KIFAP3: variants seen among roughly 807,000 people sequenced by gnomAD.
KIFAP3 encodes the protein kinesin associated protein 3, also known as kinesin-associated protein 3.
In KIFAP3, 68 loss-of-function variants were observed where a neutral mutation model predicts 106.5. The ratio of observed to expected loss-of-function variants is 0.64; its 90% confidence interval spans 0.53 to 0.78. KIFAP3 has a LOEUF of 0.78. KIFAP3 is among the 30% of genes least tolerant of loss of function. KIFAP3 has a pLI of 0.00. For missense variants in KIFAP3, 780 were observed against 941.8 expected (o/e 0.83, Z 2.25); for synonymous variants, 320 against 311.5 (o/e 1.03, Z -0.29).
At chr1:169,977,377 CTG>C (rs1421791059) in intron 16 of KIFAP3, among the ~76,000 whole-genome samples, 1 of 152,144 alleles carries the variant, frequency 6.6e-6, no homozygotes, top group Non-Finnish European at 1.5e-5. Flanking sequence ...CTAAGTACCT[CTG>C]TGTATTGGGA....
rs141698568 is a variant in KIFAP3 at position 170,027,588 on chromosome 1, A to C, written c.842-2992T>G. ...CTAGATGAAATTAACAGCAGTTTAG[A>C]GATAGAAGAAAAAAAGATTAGTGAA... On this transcript the variant is annotated intron_variant, in intron 8 of 19. Transcript: ENST00000361580. Among the ~76,000 whole-genome samples the C allele has an allele frequency of 5.6e-3, 856 of 152,310 alleles. 4 individuals carry two copies. The highest frequency in any genetic ancestry group is 0.02 in the Middle Eastern group (6 of 294).
intron 19 of KIFAP3, among the ~76,000 whole-genome samples, chr1:169,932,847 G>GA (rs889136958): frequency 6.6e-6 from 1 of 151,822 alleles, no homozygotes; most frequent in Non-Finnish European, 1.5e-5. Flanking sequence ...AAAAAATCCT[G>GA]AAAATCTTAT....
intron 17 of KIFAP3, among the ~76,000 whole-genome samples, chr1:169,968,071 T>C (rs1665721677): frequency 6.6e-6 from 1 of 151,926 alleles, no homozygotes; most frequent in Non-Finnish European, 1.5e-5. Context: ...CCTGGTGTCT[T>C]GGCTTTGAGA....
intron 18 of KIFAP3, among the ~76,000 whole-genome samples, chr1:169,957,531 T>C (rs1178484548): frequency 3.9e-5 from 6 of 152,194 alleles, no homozygotes; most frequent in Admixed American, 1.3e-4. Context: ...AACTGGCTTA[T>C]AAACATTGTG....
At chr1:169,953,681 A>AT (rs1664850279) in intron 19 of KIFAP3, among the ~76,000 whole-genome samples, 1 of 151,942 alleles carries the variant, frequency 6.6e-6, no homozygotes, top group South Asian at 2.1e-4. Flanking sequence ...CACCCGGCTA[A>AT]TTTTTTGTAC....
At chr1:169,930,298 T>C (rs1325737740) in intron 19 of KIFAP3, among the ~76,000 whole-genome samples, 1 of 152,242 alleles carries the variant, frequency 6.6e-6, no homozygotes, top group Non-Finnish European at 1.5e-5. Context: ...TGTACTGTCA[T>C]GTACTTTACA....
At chr1:170,037,668 C>T (rs897101520) in intron 5 of KIFAP3, among the ~76,000 whole-genome samples, 3 of 151,776 alleles carry the variant, frequency 2.0e-5, no homozygotes, top group Admixed American at 6.6e-5. Flanking sequence ...ACCCGGGAGG[C>T]GGAGGTTGCA....
chr1:170,055,425 C>T lies in KIFAP3; in HGVS notation c.44G>A (p.Gly15Glu). 5 of 1,586,132 alleles carry T rather than the reference C, an allele frequency of 3.2e-6. No homozygotes were observed. Among genetic ancestry groups the T allele is most frequent in the Non-Finnish European group, 2.6e-6 (3 of 1,167,934 alleles). The part of the protein sequence containing the change: ...DARYLKRKVK[G>E]GNIDVHPSEK... Reference sequence around the variant, plus strand: ...TGATGGATGTACATCTATATTCCCTCCTTTAACTTTCCTATAATACAAAAT... The same window carrying T: ...TGATGGATGTACATCTATATTCCCTTCTTTAACTTTCCTATAATACAAAAT... The change falls in exon 2 of 20, where the codon GGA becomes GAA. Residue 15 changes from glycine (G) to glutamate (E), a missense_variant. Physicochemically the swap from Gly to Glu is moderately conservative, Grantham distance 98. Around this residue, in one of 3 missense-constraint regions of KIFAP3, gnomAD observed 588 missense variants for 678.9 expected, o/e 0.87. Coordinates refer to ENST00000361580, the MANE Select transcript of KIFAP3 (RefSeq NM_014970.4).
chr1:170,014,061 T>C (rs1375454767), intron 10 of KIFAP3, among the ~76,000 whole-genome samples: 2 of 152,180 alleles, frequency 1.3e-5, no homozygotes, highest in Non-Finnish European at 1.5e-5. Context: ...TTTTGCCTCA[T>C]ACTGGACATA....
intron 19 of KIFAP3, chr1:169,923,209 GGTTGAAATTTTTAA>G (rs1260389309): frequency 2.6e-6 from 1 of 378,382 alleles, no homozygotes; most frequent in Non-Finnish European, 3.6e-6. Context: ...TCTCAAAGTT[GGTTGAAATTTTTAA>G]GTCTACATTT....
chr1:170,041,635 G>T, intron 3 of KIFAP3: 1 of 1,482,730 alleles, frequency 6.7e-7, no homozygotes. Flanking sequence ...TTAAGCCAGG[G>T]GCTGTCTCTG....
intron 1 of KIFAP3, among the ~76,000 whole-genome samples, chr1:170,083,974 G>T (rs758974238): frequency 6.6e-6 from 1 of 152,090 alleles, no homozygotes; most frequent in East Asian, 1.9e-4. Context: ...TAGCCACAGC[G>T]GGGTGTTTAA....
intron 7 of KIFAP3, 29 bp from the exon 8 acceptor site, chr1:170,032,013 C>A (rs879601725): frequency 2.3e-6 from 2 of 879,160 alleles, no homozygotes; most frequent in Non-Finnish European, 1.6e-6. Context: ...ATCATCCATA[C>A]TCATTGAAGC....
chr1:170,028,626 G>A (rs542226564), intron 8 of KIFAP3, among the ~76,000 whole-genome samples: 99 of 152,214 alleles, frequency 6.5e-4, no homozygotes, highest in African/African-American at 2.2e-3. Flanking sequence ...TGTGAGCCAC[G>A]ACATCTGGCC....
chr1:169,936,044 C>T (rs1663782211), intron 19 of KIFAP3, among the ~76,000 whole-genome samples: 1 of 151,784 alleles, frequency 6.6e-6, no homozygotes, highest in Admixed American at 6.6e-5. Flanking sequence ...GACATCGCCT[C>T]CATTTTCAAA....
intron 10 of KIFAP3, among the ~76,000 whole-genome samples, chr1:169,993,337 C>T (rs1243920546): frequency 6.6e-6 from 1 of 151,268 alleles, no homozygotes; most frequent in Non-Finnish European, 1.5e-5. Context: ...GTCTCGAACT[C>T]TTGACCTCAT....
At position 169,954,058 on chromosome 1, in the gene KIFAP3, G is replaced by T; in HGVS notation, c.2226C>A (p.Tyr742Ter). ...CAACAACATCTCCATTTTGAAGGTG[G>T]TAATCATTGAAGAAATCGGGACTTA... is the stretch of plus-strand genomic sequence containing the variant. ...GAISPDFFNDYHLQNGDVVGQ... is the reference protein window; with the variant it reads ...GAISPDFFND Residue 742 changes from tyrosine to a stop codon, truncating the protein, a stop_gained, in exon 19 of 20, where the codon TAC (tyrosine) becomes TAA (stop). Transcript: ENST00000361580. LOFTEE classifies it high-confidence loss of function. 1 of 1,613,598 alleles carries T rather than the reference G, an allele frequency of 6.2e-7. No homozygotes were observed. The highest frequency in any genetic ancestry group is 8.5e-7 in the Non-Finnish European group (1 of 1,179,680).
At chr1:169,976,901 T>G (rs554474758) in intron 16 of KIFAP3, among the ~76,000 whole-genome samples, 2 of 152,046 alleles carry the variant, frequency 1.3e-5, no homozygotes, top group Non-Finnish European at 2.9e-5. Context: ...ATTTTTTTAT[T>G]TTTAGTAGAG....
intron 18 of KIFAP3, among the ~76,000 whole-genome samples, chr1:169,959,863 A>C (rs192357911): frequency 6.6e-6 from 1 of 152,236 alleles, no homozygotes; most frequent in Admixed American, 6.5e-5. Flanking sequence ...TACTGAACTA[A>C]GAAATTCTGT....
Sources: allele counts gnomAD v4.1 joint callset (sites outside exome capture counted in the v4.1 genomes callset), GRCh38; gene constraint gnomAD v4.1.1; regional missense constraint gnomAD v4.1.1; transcripts MANE v1.5; gene names NCBI Gene and HGNC (gene_info 2026-07-23, HGNC 2026-07-21).